MAPKAP1: variants seen among roughly 807,000 people sequenced by gnomAD.
The protein encoded by MAPKAP1 is MAPK associated protein 1.
Under a neutral mutation model 65.7 loss-of-function variants are expected in MAPKAP1, and 20 were observed. The observed-to-expected ratio is 0.30, with a 90% CI of 0.21 to 0.44. MAPKAP1 has a LOEUF of 0.44. Among genes scored for constraint, MAPKAP1 ranks in the 20% least tolerant of loss-of-function variants. MAPKAP1 has a pLI of 1.00. For missense variants in MAPKAP1, 423 were observed against 648.0 expected (o/e 0.65, Z 3.77); for synonymous variants, 222 against 244.3 (o/e 0.91, Z 0.85).
intron 5 of MAPKAP1, among the ~76,000 whole-genome samples, chr9:125,576,251 T>C (rs1032231396): frequency 1.3e-5 from 2 of 152,214 alleles, no homozygotes; most frequent in African/African-American, 4.8e-5. Flanking sequence ...CCATTAGAGC[T>C]GCACAAGAGT....
intron 4 of MAPKAP1, among the ~76,000 whole-genome samples, chr9:125,592,926 C>T (rs1310525210): frequency 2.5e-5 from 3 of 122,304 alleles, no homozygotes; most frequent in African/African-American, 8.7e-5. Flanking sequence ...AAAAAAGGAA[C>T]ATACTATGTG....
chr9:125,662,858 T>A (rs1474648769), intron 3 of MAPKAP1, among the ~76,000 whole-genome samples: 3 of 152,108 alleles, frequency 2.0e-5, no homozygotes, highest in African/African-American at 7.2e-5. Context: ...AGTTTCCTTA[T>A]ATGTTAAAAA....
intron 8 of MAPKAP1, among the ~76,000 whole-genome samples, chr9:125,503,898 T>G (rs1239889982): frequency 6.2e-4 from 61 of 97,752 alleles, no homozygotes; most frequent in Non-Finnish European, 8.5e-4. Context: ...TTTTTTTTTT[T>G]TTTTTTTTTT....
chr9:125,444,411 G>A lies in MAPKAP1; in HGVS notation c.1443+90C>T, dbSNP rs550313093. The A allele has an allele frequency of 7.7e-5, 76 of 985,158 alleles. 1 individual carries two copies. Among genetic ancestry groups the A allele is most frequent in the South Asian group, 1.4e-4 (9 of 65,738 alleles). 61.0% of individuals were successfully genotyped at this position (985,158 alleles called of 1,614,324 possible). A position where few individuals can be genotyped will look rare whatever the true frequency, so the allele number is the denominator to read the frequency against. ...GCCCGGGAACCTTCTATAGAGCTGC[G>A]GAGTGGGTGGGGCTGCGGCCATGCC... On this transcript the variant is annotated intron_variant, in intron 11 of 11. Coordinates refer to ENST00000265960, the MANE Select transcript of MAPKAP1 (RefSeq NM_001006617.3).
At chr9:125,682,265 T>C (rs942071707) in intron 1 of MAPKAP1, among the ~76,000 whole-genome samples, 1 of 152,144 alleles carries the variant, frequency 6.6e-6, no homozygotes, top group African/African-American at 2.4e-5. Flanking sequence ...TTTGTACAGA[T>C]AAAATGGCAC....
intron 4 of MAPKAP1, among the ~76,000 whole-genome samples, chr9:125,622,989 G>T (rs1403165518): frequency 5.9e-5 from 9 of 152,058 alleles, no homozygotes; most frequent in Admixed American, 3.9e-4. Flanking sequence ...GTGGAGACGG[G>T]GTTTCGCTGT....
At chr9:125,501,138 G>T (rs10986778) in intron 8 of MAPKAP1, among the ~76,000 whole-genome samples, 3 of 152,020 alleles carry the variant, frequency 2.0e-5, no homozygotes, top group South Asian at 2.1e-4. Context: ...TTCCTTCTTA[G>T]AAAGTCATGC....
chr9:125,535,836 A>C (rs1406371180), intron 7 of MAPKAP1, among the ~76,000 whole-genome samples: 1 of 151,854 alleles, frequency 6.6e-6, no homozygotes, highest in African/African-American at 2.4e-5. Flanking sequence ...AGGCTGTCTG[A>C]CTTCTAAGTG....
rs1422792491 is a variant in MAPKAP1, at chr9:125,447,478, G to A, written c.1346-2880C>T. The A allele has an allele frequency of 4.4e-6, 2 of 456,502 alleles. No individual in the cohort carries two copies. The highest frequency in any genetic ancestry group is 2.0e-5 in the African/African-American group (1 of 50,034). 28.3% of individuals were successfully genotyped at this position (456,502 alleles called of 1,614,324 possible). On this transcript the variant is annotated intron_variant, in intron 10 of 11. Coordinates refer to ENST00000265960, the MANE Select transcript of MAPKAP1 (RefSeq NM_001006617.3). The surrounding 1 kb of genome is among the most constrained non-coding windows in gnomAD (Gnocchi z 4.5). ...CCTCTTGCTCTCTGCAAGGAGTGAT[G>A]AGCGGAACCCTGGGGGGCAAGGGCA...
intron 5 of MAPKAP1, among the ~76,000 whole-genome samples, chr9:125,578,552 A>G (rs1407638885): frequency 6.6e-6 from 1 of 152,248 alleles, no homozygotes; most frequent in African/African-American, 2.4e-5. Context: ...ACAGAAGGCA[A>G]AAGTAAAAGA....
chr9:125,509,615 A>T (rs1445703074), intron 7 of MAPKAP1, among the ~76,000 whole-genome samples: 1 of 152,168 alleles, frequency 6.6e-6, no homozygotes, highest in Admixed American at 6.5e-5. Flanking sequence ...TTTTCATGTG[A>T]AGCAACCGTG....
chr9:125,461,012 T>C (rs1412219026), intron 10 of MAPKAP1, among the ~76,000 whole-genome samples: 1 of 152,222 alleles, frequency 6.6e-6, no homozygotes, highest in Non-Finnish European at 1.5e-5. Flanking sequence ...GGTCAGTCAA[T>C]GGGACACACG....
At chr9:125,545,698 T>G (rs1038602693) in intron 6 of MAPKAP1, among the ~76,000 whole-genome samples, 2 of 152,222 alleles carry the variant, frequency 1.3e-5, no homozygotes, top group African/African-American at 4.8e-5. Flanking sequence ...GCCTTGTGTT[T>G]GGACTAATTT....
intron 1 of MAPKAP1, among the ~76,000 whole-genome samples, chr9:125,693,636 C>CACACATATACACGTACACATAT (rs1265906552): frequency 2.1e-5 from 3 of 142,752 alleles, no homozygotes; most frequent in Non-Finnish European, 4.6e-5. Flanking sequence ...TACACATATA[C>CACACATATACACGTACACATAT]ACACACATAT....
chr9:125,525,257 C>T (rs1374082585), intron 7 of MAPKAP1, among the ~76,000 whole-genome samples: 4 of 152,184 alleles, frequency 2.6e-5, no homozygotes, highest in Non-Finnish European at 5.9e-5. Flanking sequence ...GTCCTTGGTG[C>T]TTTGCAAGGA....
chr9:125,597,901 T>C (rs1366959501), intron 4 of MAPKAP1, among the ~76,000 whole-genome samples: 1 of 152,178 alleles, frequency 6.6e-6, no homozygotes, highest in African/African-American at 2.4e-5. Flanking sequence ...AATGGTCTTG[T>C]CTTTAATAAC....
chr9:125,652,881 G>A (rs548442259), intron 4 of MAPKAP1, among the ~76,000 whole-genome samples: 2 of 152,278 alleles, frequency 1.3e-5, no homozygotes, highest in African/African-American at 4.8e-5. Context: ...CCTCTCTGCT[G>A]TACTTCTTCT....
At chr9:125,668,730 T>C (rs1834411380) in intron 3 of MAPKAP1, among the ~76,000 whole-genome samples, 1 of 152,206 alleles carries the variant, frequency 6.6e-6, no homozygotes, top group South Asian at 2.1e-4. Flanking sequence ...TATGAAAATA[T>C]ACAGCAAATG....
At chr9:125,498,460 G>T (rs943802891) in intron 8 of MAPKAP1, among the ~76,000 whole-genome samples, 1 of 152,098 alleles carries the variant, frequency 6.6e-6, no homozygotes, top group African/African-American at 2.4e-5. Context: ...CATGAAAATT[G>T]AAAGATAAAG....
Sources: allele counts gnomAD v4.1 joint callset (sites outside exome capture counted in the v4.1 genomes callset), GRCh38; gene constraint gnomAD v4.1.1; non-coding constraint Gnocchi (gnomAD v3.1); transcripts MANE v1.5; gene names NCBI Gene and HGNC (gene_info 2026-07-23, HGNC 2026-07-21).